SPMIP11: variants seen among roughly 807,000 people sequenced by gnomAD.
The protein encoded by SPMIP11 is sperm microtubule inner protein 11.
At chr12:48,727,484 G>A in the SPMIP11 span, 1 of 702,932 alleles carries the variant, frequency 1.4e-6, no homozygotes, top group South Asian at 1.5e-5. Flanking sequence ...ATCTGAGATG[G>A]CCTTCTTCAA....
chr12:48,740,165 C>CT, the SPMIP11 span, among the ~76,000 whole-genome samples: 86 of 152,170 alleles, frequency 5.7e-4, no homozygotes, highest in African/African-American at 2.0e-3. Context: ...TTTTAAAAAA[C>CT]TTTTCTTGCT....
chr12:48,736,202 G>C, the SPMIP11 span: 1 of 379,528 alleles, frequency 2.6e-6, no homozygotes. Context: ...CCAGGAATTA[G>C]AGACCAGGAT....
the SPMIP11 span, among the ~76,000 whole-genome samples, chr12:48,744,796 GGAAAGAAGAAGAAAAAGGAAGAAGAAGAA>G: frequency 2.8e-5 from 4 of 143,582 alleles, no homozygotes; most frequent in African/African-American, 1.0e-4. Flanking sequence ...GAGGAGGAGG[GGAAAGAAGAAGAAAAAGGAAGAAGAAGAA>G]GAAAGAAGAA....
the SPMIP11 span, among the ~76,000 whole-genome samples, chr12:48,762,215 T>C: frequency 0.013 from 1,902 of 149,068 alleles, 36 homozygotes; most frequent in African/African-American, 0.045. Flanking sequence ...CCTGCCACCA[T>C]GCCCGGCTAA....
At chr12:48,740,134 G>A in the SPMIP11 span, among the ~76,000 whole-genome samples, 3 of 152,078 alleles carry the variant, frequency 2.0e-5, no homozygotes, top group Non-Finnish European at 4.4e-5. Context: ...AGGAAATAAA[G>A]CCAATAAGGT....
At chr12:48,743,352 T>C in the SPMIP11 span, among the ~76,000 whole-genome samples, 1 of 151,738 alleles carries the variant, frequency 6.6e-6, no homozygotes, top group Admixed American at 6.6e-5. Context: ...CTCCATCCAA[T>C]GTGGGTGGCA....
the SPMIP11 span, chr12:48,769,131 T>C: frequency 2.1e-6 from 3 of 1,409,360 alleles, no homozygotes; most frequent in South Asian, 3.6e-5. Context: ...TCCCACCTCC[T>C]GGCACTGGTA....
At chr12:48,734,888 C>T in the SPMIP11 span, among the ~76,000 whole-genome samples, 9 of 151,288 alleles carry the variant, frequency 5.9e-5, no homozygotes, top group Admixed American at 6.0e-4. Context: ...GGCTGTAGTC[C>T]CAGCTACTCG....
At chr12:48,765,756 G>A in the SPMIP11 span, 8 of 690,826 alleles carry the variant, frequency 1.2e-5, no homozygotes, top group South Asian at 1.1e-4. Flanking sequence ...GGGAGGAGGA[G>A]ATGGAGAAAG....
the SPMIP11 span, among the ~76,000 whole-genome samples, chr12:48,738,902 C>T: frequency 6.6e-6 from 1 of 150,968 alleles, no homozygotes; most frequent in Non-Finnish European, 1.5e-5. Flanking sequence ...TATGTGAAAA[C>T]CAGCACACCT....
At chr12:48,731,776 A>G in the SPMIP11 span, among the ~76,000 whole-genome samples, 1 of 152,146 alleles carries the variant, frequency 6.6e-6, no homozygotes, top group Non-Finnish European at 1.5e-5. Context: ...ACACATCTGC[A>G]TGCACGTCAG....
chr12:48,736,097 G>A, the SPMIP11 span: 69 of 451,054 alleles, frequency 1.5e-4, no homozygotes, highest in Non-Finnish European at 2.8e-4. Context: ...GAAACTTTTT[G>A]TTTATCCCTA....
the SPMIP11 span, chr12:48,766,090 A>G: frequency 6.3e-6 from 1 of 158,628 alleles, no homozygotes; most frequent in Non-Finnish European, 1.4e-5. Flanking sequence ...CTCTGACCAC[A>G]GACAAGAGGC....
the SPMIP11 span, chr12:48,765,117 A>C: frequency 5.0e-6 from 3 of 596,814 alleles, no homozygotes; most frequent in Non-Finnish European, 9.0e-6. Context: ...GAGTCTTACC[A>C]GAGAAAACTG....
chr12:48,736,403 G>A, the SPMIP11 span, among the ~76,000 whole-genome samples: 11 of 125,878 alleles, frequency 8.7e-5, no homozygotes, highest in Non-Finnish European at 1.4e-4. Flanking sequence ...AACAGAGTGA[G>A]ACTCTGTCTC....
At chr12:48,762,249 AG>A in the SPMIP11 span, among the ~76,000 whole-genome samples, 1 of 145,848 alleles carries the variant, frequency 6.9e-6, no homozygotes, top group African/African-American at 2.6e-5. Context: ...TAGTAGAGAC[AG>A]GGTTTCACCG....
chr12:48,764,743 C>T, the SPMIP11 span: 11 of 622,676 alleles, frequency 1.8e-5, no homozygotes, highest in African/African-American at 1.3e-4. Flanking sequence ...GCACCTGGTC[C>T]GGCCAAGCAG....
the SPMIP11 span, among the ~76,000 whole-genome samples, chr12:48,728,772 G>A: frequency 1.1e-4 from 16 of 150,310 alleles, no homozygotes; most frequent in South Asian, 1.5e-3. Flanking sequence ...AGACCTAAGA[G>A]AGAACCATAT....
the SPMIP11 span, among the ~76,000 whole-genome samples, chr12:48,746,998 T>C: frequency 1.3e-5 from 2 of 152,086 alleles, no homozygotes; most frequent in African/African-American, 4.8e-5. Context: ...TAGAATAAAG[T>C]AGCAGCTTCC....
Sources: gnomAD v4.1 joint callset for allele counts (sites outside exome capture counted in the v4.1 genomes callset) on GRCh38, gnomAD v4.1.1 for gene constraint, MANE v1.5 for transcripts, NCBI Gene and HGNC (gene_info 2026-07-23, HGNC 2026-07-21) for gene names.